OTOA: variants seen among roughly 807,000 people sequenced by gnomAD.
OTOA encodes the protein cancer/testis antigen 108.
Under a neutral mutation model 110.8 loss-of-function variants are expected in OTOA, and 70 were observed. That is an observed-to-expected ratio of 0.63 (90% CI 0.52 to 0.77). OTOA has a LOEUF of 0.77. OTOA is among the 30% of genes least tolerant of loss of function. The pLI is 0.00. For missense variants in OTOA, 917 were observed against 1,075.8 expected (o/e 0.85, Z 2.06); for synonymous variants, 373 against 431.5 (o/e 0.86, Z 1.68).
intron 6 of OTOA, among the ~76,000 whole-genome samples, chr16:21,683,390 A>C (rs1403312697): frequency 6.6e-6 from 1 of 152,176 alleles, no homozygotes; most frequent in East Asian, 1.9e-4. Context: ...TTGCTGATTT[A>C]GCAAATAAAA....
intron 15 of OTOA, 133 bp from the exon 16 acceptor site, chr16:21,719,000 C>A: frequency 1.1e-6 from 1 of 882,080 alleles, no homozygotes; most frequent in Non-Finnish European, 1.9e-6. Context: ...TCCTAGGTAA[C>A]TCACATAGCC....
intron 12 of OTOA, among the ~76,000 whole-genome samples, chr16:21,707,591 CCTTT>C (rs1363951489): frequency 9.0e-6 from 1 of 110,820 alleles, no homozygotes; most frequent in Non-Finnish European, 1.9e-5. Context: ...CCTTCTCCTT[CCTTT>C]TCTTTCTTTC....
chr16:21,712,098 T>C (rs1656892325), intron 13 of OTOA, among the ~76,000 whole-genome samples: 1 of 150,652 alleles, frequency 6.6e-6, no homozygotes, highest in Middle Eastern at 3.2e-3. Context: ...GAGGCCAAGA[T>C]GAATGGATCA....
At chr16:21,698,882 T>A (rs562329430) in intron 10 of OTOA, among the ~76,000 whole-genome samples, 1 of 152,250 alleles carries the variant, frequency 6.6e-6, no homozygotes, top group African/African-American at 2.4e-5. Context: ...ATTTGCAACT[T>A]TTTATTCGCT....
intron 27 of OTOA, among the ~76,000 whole-genome samples, chr16:21,755,378 A>G (rs1899946455): frequency 1.2e-5 from 1 of 80,710 alleles, no homozygotes; most frequent in African/African-American, 4.4e-5. Flanking sequence ...AAAAGAGATA[A>G]TTTTTAGAAT....
intron 11 of OTOA, among the ~76,000 whole-genome samples, chr16:21,701,259 G>C (rs1443527536): frequency 1.3e-5 from 2 of 152,164 alleles, no homozygotes; most frequent in African/African-American, 2.4e-5. Context: ...CTGTGTGCCA[G>C]GCATTTTATG....
chr16:21,689,274 G>A (rs1003638719), intron 8 of OTOA, among the ~76,000 whole-genome samples: 3 of 152,126 alleles, frequency 2.0e-5, no homozygotes, highest in African/African-American at 4.8e-5. Context: ...CCAAATGACA[G>A]TAAGGAAAAC....
rs746390617 is a variant in OTOA at position 21,728,427 on chromosome 16, T to C, written c.2203T>C (p.Tyr735His). Residue 735 changes from tyrosine (Y) to histidine (H), a missense_variant, in exon 20 of 29, where the codon TAT becomes CAT. By Grantham distance (83) the Tyr-to-His change is moderately conservative (BLOSUM62 2). Transcript: ENST00000646100. Reference sequence around the variant, plus strand: ...AGTGAGGCTCAAGCTCCTGGGACAGTATGGGTGAGGAGCGGCTGGGTTTGG... The same window carrying C: ...AGTGAGGCTCAAGCTCCTGGGACAGCATGGGTGAGGAGCGGCTGGGTTTGG... ...AAVRLKLLGQ[Y>H]GLPQHWTAET... The C allele has an allele frequency of 1.1e-5, 18 of 1,613,674 alleles. No homozygotes were observed. The highest frequency in any genetic ancestry group is 6.7e-5 in the Admixed American group (4 of 59,990).
At chr16:21,707,474 G>A (rs758762176) in intron 12 of OTOA, among the ~76,000 whole-genome samples, 2 of 151,860 alleles carry the variant, frequency 1.3e-5, no homozygotes, top group African/African-American at 4.8e-5. Context: ...ATTTTTTTCC[G>A]TGGACTGGGG....
At chr16:21,728,491 A>G (rs756454999) in intron 20 of OTOA, 60 bp downstream of exon 20, 51 of 1,565,440 alleles carry the variant, frequency 3.3e-5, no homozygotes, top group Non-Finnish European at 4.3e-5. Context: ...GGGACACTCA[A>G]CCTTGGCTCT....
At chr16:21,719,642 C>G in intron 17 of OTOA, 138 bp downstream of exon 17, 6 of 855,500 alleles carry the variant, frequency 7.0e-6, no homozygotes, top group Non-Finnish European at 1.2e-5. Flanking sequence ...AAGATTGAGC[C>G]AGGTTTTTTC....
chr16:21,719,424 A>T lies in OTOA; in HGVS notation c.1726A>T (p.Ile576Phe), dbSNP rs747460891. The T allele has an allele frequency of 6.2e-7, 1 of 1,614,116 alleles. No individual in the cohort carries two copies. Among genetic ancestry groups the T allele is most frequent in the Non-Finnish European group, 8.5e-7 (1 of 1,180,016 alleles). ...GGTCAAAGGCGTGACCTGCTCACAC[A>T]TTGATGCCATGAGCACTGACTTCTT... Reference protein sequence around the residue: ...QLVKGVTCSHIDAMSTDFFLA... With the variant: ...QLVKGVTCSHFDAMSTDFFLA... Residue 576 changes from isoleucine (I) to phenylalanine (F), a missense_variant, in exon 17 of 29, where the codon ATT becomes TTT. This residue lies in a region of OTOA where 840 missense variants were observed against 910.2 expected (regional missense o/e 0.92). Coordinates refer to ENST00000646100, the MANE Select transcript of OTOA (RefSeq NM_144672.4).
At chr16:21,668,459 CTTTT>C (rs374673931) in intron 1 of OTOA, among the ~76,000 whole-genome samples, 2 of 122,062 alleles carry the variant, frequency 1.6e-5, no homozygotes, top group Non-Finnish European at 3.4e-5. Flanking sequence ...TTGTTTCTTT[CTTTT>C]TTTTTTTTTT....
At chr16:21,681,696 A>G (rs1966894529) in intron 5 of OTOA, 42 bp from the exon 6 acceptor site, 1 of 1,542,784 alleles carries the variant, frequency 6.5e-7, no homozygotes, top group African/African-American at 1.4e-5. Context: ...CTTGTAGGAG[A>G]ATCTGTCATT....
At chr16:21,707,154 C>T (rs993930703) in intron 12 of OTOA, among the ~76,000 whole-genome samples, 6 of 151,872 alleles carry the variant, frequency 4.0e-5, no homozygotes, top group African/African-American at 9.7e-5. Flanking sequence ...CGTCAGCCAC[C>T]GAGCCTAGCC....
intron 22 of OTOA, among the ~76,000 whole-genome samples, chr16:21,738,322 G>A (rs4783421): frequency 0.18 from 15,555 of 87,084 alleles, 6 homozygotes; most frequent in Middle Eastern, 0.28. Flanking sequence ...GACTGTTAAA[G>A]GAAACCCTAA....
chr16:21,687,469 C>G lies in OTOA; in HGVS notation c.456C>G (p.Ser152Arg). 1.9e-6 allele frequency: 3 copies of G among 1,614,026 alleles called. No homozygotes were observed. The highest frequency in any genetic ancestry group is 2.2e-5 in the South Asian group (2 of 91,076). The change falls in exon 8 of 29, where the codon AGC (serine) becomes AGG (arginine). Residue 152 changes from serine to arginine, a missense_variant. This residue lies in a region of OTOA where 840 missense variants were observed against 910.2 expected (regional missense o/e 0.92). Coordinates refer to ENST00000646100, the MANE Select transcript of OTOA (RefSeq NM_144672.4). ...LGEIRERALQ[S>R]PGVNRSLFLI... ...AGATTCGAGAACGAGCCTTGCAGAG[C>G]CCTGGCGTGAACCGCAGCCTGTTTC...
chr16:21,722,957 C>A lies in OTOA; in HGVS notation c.1859C>A (p.Pro620His). ...YWEVSRLSMP[P>H]FLLAALPARY... is the part of the protein sequence containing the mutation. ...GAAGTTTCCAGATTGTCTATGCCAC[C>A]TTTCCTCTTGGCTGCACTCCCGTAA... The change falls in exon 18 of 29, where the codon CCT becomes CAT. Residue 620 changes from proline (P) to histidine (H), a missense_variant. Physicochemically the swap from Pro to His is moderately conservative, Grantham distance 77. Coordinates refer to ENST00000646100, the MANE Select transcript of OTOA (RefSeq NM_144672.4). 4 of 1,614,130 alleles carry A rather than the reference C, an allele frequency of 2.5e-6. No homozygotes were observed. Among genetic ancestry groups the A allele is most frequent in the Non-Finnish European group, 3.4e-6 (4 of 1,180,012 alleles).
intron 27 of OTOA, among the ~76,000 whole-genome samples, chr16:21,755,110 A>G (rs1899940654): frequency 1.0e-5 from 1 of 98,656 alleles, no homozygotes; most frequent in Non-Finnish European, 2.2e-5. Flanking sequence ...GTAGAGACCG[A>G]AGTGAACTGG....
Sources: gnomAD v4.1 joint callset for allele counts (sites outside exome capture counted in the v4.1 genomes callset) on GRCh38, gnomAD v4.1.1 for gene constraint, gnomAD v4.1.1 regional missense constraint, MANE v1.5 for transcripts, NCBI Gene and HGNC (gene_info 2026-07-23, HGNC 2026-07-21) for gene names.